MAMLD1: variants seen among roughly 807,000 people sequenced by gnomAD.
The protein encoded by MAMLD1 is mastermind-like domain-containing protein 1.
In MAMLD1, 14 loss-of-function variants were observed where a neutral mutation model predicts 45.0. That is an observed-to-expected ratio of 0.31 (90% CI 0.21 to 0.49). The LOEUF is 0.49. Among genes scored for constraint, MAMLD1 ranks in the 20% least tolerant of loss-of-function variants. The pLI is 0.99. For missense variants in MAMLD1, 543 were observed against 603.6 expected (o/e 0.90, Z 1.05); for synonymous variants, 254 against 247.8 (o/e 1.02, Z -0.24).
At chrX:150,496,745 C>T (rs1345696052) in intron 5 of MAMLD1, among the ~76,000 whole-genome samples, 1 of 112,026 alleles carries the variant, frequency 8.9e-6, no homozygotes, top group African/African-American at 3.2e-5. Context: ...TTGCTGACAA[C>T]AGGCACAGCC....
chrX:150,413,969 C>A (rs1263815568), intron 1 of MAMLD1, among the ~76,000 whole-genome samples: 1 of 86,082 alleles, frequency 1.2e-5, no homozygotes, highest in Non-Finnish European at 2.1e-5. Context: ...AGAGAGAGAG[C>A]ACTTGCTAAC....
intron 1 of MAMLD1, among the ~76,000 whole-genome samples, chrX:150,421,335 T>G (rs1324183396): frequency 8.9e-6 from 1 of 112,424 alleles, no homozygotes; most frequent in African/African-American, 3.2e-5. Context: ...ACCCATTGTC[T>G]GGCACTCCCT....
Position 150,465,908 on chromosome X carries a change from C to T in MAMLD1, c.171+3062C>T, listed in dbSNP as rs1413144243. Reference sequence around the variant, plus strand: ...GAGCTTGGTTGGGGACCTTCCGCCCCTACCAGGATTCTGGGAGGGGAGGTC... The same window carrying T: ...GAGCTTGGTTGGGGACCTTCCGCCCTTACCAGGATTCTGGGAGGGGAGGTC... On this transcript the variant is annotated intron_variant, in intron 3 of 7. Transcript: ENST00000370401. Among the ~76,000 whole-genome samples, 5 of 112,461 alleles carry T rather than the reference C, an allele frequency of 4.4e-5. No individual in the cohort carries two copies. The East Asian group carries it at 1.4e-3, about 31-fold the overall frequency.
intron 1 of MAMLD1, among the ~76,000 whole-genome samples, chrX:150,410,243 C>T (rs1474499709): frequency 8.9e-6 from 1 of 112,313 alleles, no homozygotes; most frequent in African/African-American, 3.2e-5. Flanking sequence ...CTTAAGTCTA[C>T]CCCAGTAGAA....
intron 1 of MAMLD1, among the ~76,000 whole-genome samples, chrX:150,409,998 C>A (rs1175051438): frequency 8.9e-6 from 1 of 112,131 alleles, no homozygotes; most frequent in Admixed American, 9.4e-5. Flanking sequence ...GACCTTGAAC[C>A]TGATAGTAGT....
Position 150,470,353 on chromosome X carries a change from C to G in MAMLD1, c.780C>G (p.Ile260Met). ...AGATCCCATCCTCCTCCACAGGGATCAGCTATTCGATTCCTTCCACCAGTA... is the reference window on the plus strand; with the variant it reads ...AGATCCCATCCTCCTCCACAGGGATGAGCTATTCGATTCCTTCCACCAGTA... ...SLQIPSSSTG[I>M]SYSIPSTSKQ... The change falls in exon 4 of 8, where the codon ATC becomes ATG. Residue 260 changes from isoleucine (I) to methionine (M), a missense_variant. By Grantham distance (10) the Ile-to-Met change is conservative. Coordinates refer to ENST00000370401, the MANE Select transcript of MAMLD1 (RefSeq NM_005491.5). 2.5e-6 allele frequency: 3 copies of G among 1,209,254 alleles called. No individual in the cohort carries two copies. The highest frequency in any genetic ancestry group is 3.4e-6 in the Non-Finnish European group (3 of 893,663).
chrX:150,462,735 G>A (rs1476354492), intron 2 of MAMLD1, 37 bp from the exon 3 acceptor site: 6 of 996,290 alleles, frequency 6.0e-6, no homozygotes, highest in Non-Finnish European at 7.1e-6. Context: ...TTAAGAGTGT[G>A]TGCAAGTGGC....
At chrX:150,379,136 C>T (rs1454894449) in intron 1 of MAMLD1, among the ~76,000 whole-genome samples, 1 of 111,631 alleles carries the variant, frequency 9.0e-6, no homozygotes, top group Non-Finnish European at 1.9e-5. Flanking sequence ...TACCTGCCTA[C>T]CTACTTACCC....
intron 2 of MAMLD1, among the ~76,000 whole-genome samples, chrX:150,449,195 G>A (rs1466591993): frequency 1.3e-4 from 14 of 110,998 alleles, no homozygotes; most frequent in African/African-American, 4.6e-4. Context: ...GAGAAATTCA[G>A]TGACTTTCAG....
At chrX:150,477,425 G>A (rs1476834918) in intron 5 of MAMLD1, among the ~76,000 whole-genome samples, 1 of 112,016 alleles carries the variant, frequency 8.9e-6, no homozygotes, top group African/African-American at 3.2e-5. Context: ...GACCCCCAGG[G>A]GTGGACGGTG....
rs993917224 is a variant in MAMLD1, at chrX:150,421,970, G to A, written c.-63-23484G>A. On this transcript the variant is annotated intron_variant, in intron 1 of 7. Transcript: ENST00000370401. ...CTCCTCTGGCTGGGGAATTGTAATC[G>A]GTGGATGACCATAGAGGAAAGCTAG... Among the ~76,000 whole-genome samples, 14 of 112,291 alleles carry A rather than the reference G, an allele frequency of 1.2e-4. No homozygotes were observed. In the Admixed American group the frequency reaches 1.3e-3, roughly 11 times the overall value.
intron 1 of MAMLD1, among the ~76,000 whole-genome samples, chrX:150,402,118 A>G (rs1267478826): frequency 9.0e-6 from 1 of 111,212 alleles, no homozygotes; most frequent in African/African-American, 3.3e-5. Flanking sequence ...AGAAACTACC[A>G]TCAGAGTGAA....
chrX:150,498,937 A>G (rs182949494), intron 5 of MAMLD1, among the ~76,000 whole-genome samples: 51 of 112,622 alleles, frequency 4.5e-4, no homozygotes, highest in African/African-American at 1.6e-3. Flanking sequence ...CAAATTCACA[A>G]AGTTGTCTCC....
At chrX:150,373,221 C>T (rs1603209652) in intron 1 of MAMLD1, among the ~76,000 whole-genome samples, 1 of 111,512 alleles carries the variant, frequency 9.0e-6, no homozygotes, top group East Asian at 2.8e-4. Flanking sequence ...GGCAGTCCCA[C>T]ATATATCTTT....
chrX:150,397,497 C>T (rs2033464974), intron 1 of MAMLD1, among the ~76,000 whole-genome samples: 2 of 111,168 alleles, frequency 1.8e-5, no homozygotes, highest in Admixed American at 1.9e-4. Flanking sequence ...GTTTTATTTC[C>T]TATTGTGTAT....
At chrX:150,459,284 G>A (rs1288827199) in intron 2 of MAMLD1, among the ~76,000 whole-genome samples, 3 of 112,012 alleles carry the variant, frequency 2.7e-5, no homozygotes, top group African/African-American at 6.5e-5. Flanking sequence ...ACCTCATAAG[G>A]TTACACTGAA....
At chrX:150,420,636 T>G (rs1395481586) in intron 1 of MAMLD1, among the ~76,000 whole-genome samples, 1 of 112,367 alleles carries the variant, frequency 8.9e-6, no homozygotes, top group Non-Finnish European at 1.9e-5. Context: ...GTACTTTCTG[T>G]TTGTTAGTTT....
chrX:150,481,098 C>T (rs1182678158), intron 5 of MAMLD1, among the ~76,000 whole-genome samples: 1 of 112,913 alleles, frequency 8.9e-6, no homozygotes, highest in Non-Finnish European at 1.9e-5. Flanking sequence ...AGGTGGACTA[C>T]TCATTTGCAA....
chrX:150,393,477 A>G (rs938550093), intron 1 of MAMLD1, among the ~76,000 whole-genome samples: 2 of 112,208 alleles, frequency 1.8e-5, no homozygotes, highest in African/African-American at 6.5e-5. Flanking sequence ...CATGATTGTC[A>G]GATCATATGG....
Sources: gnomAD v4.1 joint callset for allele counts (sites outside exome capture counted in the v4.1 genomes callset) on GRCh38, gnomAD v4.1.1 for gene constraint, MANE v1.5 for transcripts, NCBI Gene and HGNC (gene_info 2026-07-23, HGNC 2026-07-21) for gene names.